Variants in MICAL2 observed in about 807,000 individuals in gnomAD.
MICAL2 encodes microtubule associated monooxygenase, calponin and LIM domain containing 2, also known as [F-actin]-monooxygenase MICAL2.
Under a neutral mutation model 127.3 loss-of-function variants are expected in MICAL2, and 77 were observed. The observed-to-expected ratio is 0.60, with a 90% CI of 0.50 to 0.73. The LOEUF is 0.73. Ranked by LOEUF, MICAL2 falls within the 30% of genes least tolerant of loss-of-function variation. MICAL2 has a pLI of 0.00. For synonymous variants in MICAL2, 570 were observed against 551.1 expected (o/e 1.03, Z -0.48); for missense variants, 1,351 against 1,434.4 (o/e 0.94, Z 0.94).
In MICAL2 at chr11:12,131,368, TC is replaced by T. The variant is rs566965293; in HGVS notation, c.-148-7019del. ...CCAAGGTAATGGCTCAGGCTGCCCA[TC>T]CCTCAGTCAGACCAGCTCCCCCTTC... On this transcript the variant is annotated intron_variant, in intron 1 of 27. Coordinates refer to ENST00000683283, the MANE Select transcript of MICAL2 (RefSeq NM_001282663.2). Among the ~76,000 whole-genome samples, 305 of 147,834 alleles carry T rather than the reference TC, an allele frequency of 2.1e-3. 3 individuals carry two copies. Among genetic ancestry groups the T allele is most frequent in the Middle Eastern group, 0.014 (4 of 284 alleles).
rs781690492 is a variant in MICAL2, at chr11:12,239,595, G to A, written c.2214+10G>A. ...CTCACTCATGAAGCAGGTGAGTCAT[G>A]TCAAATACTCACTGGACCTAACTTC... is the stretch of plus-strand genomic sequence containing the variant. On this transcript the variant is annotated intron_variant, in intron 17 of 27. Transcript: ENST00000683283. 1.4e-5 allele frequency: 22 copies of A among 1,613,032 alleles called. No individual in the cohort carries two copies. The highest frequency in any genetic ancestry group is 4.0e-5 in the African/African-American group (3 of 74,892).
chr11:12,156,313 G>A (rs1446663414), intron 2 of MICAL2, among the ~76,000 whole-genome samples: 1 of 152,202 alleles, frequency 6.6e-6, no homozygotes, highest in African/African-American at 2.4e-5. Flanking sequence ...CCTTCAGTGT[G>A]CATGGAAAGG....
chr11:12,268,961 T>C lies in MICAL2; in HGVS notation c.3335-7025T>C, dbSNP rs1356359704. ...TTGCAGTGAGCCAAGATTGTGCCAC[T>C]GCACTCCAGCCTCGGCGACGAGCGA... On this transcript the variant is annotated intron_variant, in intron 24 of 34. Coordinates refer to the MICAL2 transcript ENST00000646065. Among the ~76,000 whole-genome samples the C allele has an allele frequency of 2.0e-5, 3 of 151,886 alleles. No individual in the cohort carries two copies. The East Asian group carries it at 5.8e-4, about 29-fold the overall frequency.
intron 4 of MICAL2, 66 bp downstream of exon 4, chr11:12,204,523 C>T: frequency 6.6e-7 from 1 of 1,515,722 alleles, no homozygotes. Context: ...ACATATCTCT[C>T]CAGGTCTAGG....
At chr11:12,298,975 T>C (rs905888057) in intron 29 of MICAL2, among the ~76,000 whole-genome samples, 1 of 152,258 alleles carries the variant, frequency 6.6e-6, no homozygotes, top group African/African-American at 2.4e-5. Flanking sequence ...AGTTCATTGA[T>C]ATCACTTTTA....
intron 15 of MICAL2, 73 bp downstream of exon 15, chr11:12,227,204 A>G: frequency 9.0e-7 from 1 of 1,109,072 alleles, no homozygotes; most frequent in Non-Finnish European, 1.4e-6. Flanking sequence ...AGATTGTCAC[A>G]TTCTCAGCCT....
chr11:12,120,158 T>C (rs533117903), intron 1 of MICAL2, among the ~76,000 whole-genome samples: 1 of 152,222 alleles, frequency 6.6e-6, no homozygotes, highest in Admixed American at 6.5e-5. Context: ...CCCAGAGCCT[T>C]GGGGCTTAGA....
intron 6 of MICAL2, 117 bp downstream of exon 6, chr11:12,209,715 A>T (rs946762957): frequency 2.2e-6 from 2 of 897,624 alleles, no homozygotes; most frequent in South Asian, 1.4e-5. Flanking sequence ...GGAGGTTTTG[A>T]TAGGAGGGCA....
downstream of MICAL2, among the ~76,000 whole-genome samples, chr11:12,287,477 C>T (rs1336790971): frequency 2.0e-5 from 3 of 152,064 alleles, no homozygotes; most frequent in Admixed American, 6.5e-5. Flanking sequence ...TTTTGAAATA[C>T]AGATGAGTAA....
chr11:12,321,550 A>G (rs1053491968), intron 30 of MICAL2, among the ~76,000 whole-genome samples: 1 of 152,184 alleles, frequency 6.6e-6, no homozygotes, highest in African/African-American at 2.4e-5. Context: ...TGATTCTGCC[A>G]AGCTTCTGCA....
In MICAL2 at chr11:12,162,729, T is replaced by C. The variant is rs545201221; in HGVS notation, c.264+310T>C. 2.6e-5 allele frequency among the ~76,000 whole-genome samples: 4 copies of C among 152,350 alleles called. No individual in the cohort carries two copies. The East Asian group carries it at 7.7e-4, about 29-fold the overall frequency. The stretch of plus-strand genomic sequence containing the variant: ...CTACTACTACTTCTAGTAGCTGCTA[T>C]TTGTTGAGCAGCTTCTAGGTACAAG... On this transcript the variant is annotated intron_variant, in intron 3 of 27. Coordinates refer to ENST00000683283, the MANE Select transcript of MICAL2 (RefSeq NM_001282663.2).
intron 22 of MICAL2, chr11:12,250,109 C>T (rs1481946279): frequency 2.0e-5 from 3 of 152,130 alleles, no homozygotes; most frequent in East Asian, 1.9e-4. Flanking sequence ...GCTGCGTCGC[C>T]GTGTTTCTAT....
At chr11:12,151,353 G>T (rs1853560116) in intron 2 of MICAL2, among the ~76,000 whole-genome samples, 1 of 152,082 alleles carries the variant, frequency 6.6e-6, no homozygotes, top group South Asian at 2.1e-4. Context: ...ATTGGAAGTT[G>T]GCCTGCAACA....
chr11:12,277,861 A>G (rs561321577), intron 1 of MICAL2, among the ~76,000 whole-genome samples: 9 of 152,354 alleles, frequency 5.9e-5, no homozygotes, highest in African/African-American at 2.2e-4. Flanking sequence ...CCTGGGCTAT[A>G]TGGTGTAACC....
At chr11:12,202,255 A>G (rs1394042489) in intron 3 of MICAL2, among the ~76,000 whole-genome samples, 1 of 152,206 alleles carries the variant, frequency 6.6e-6, no homozygotes, top group Non-Finnish European at 1.5e-5. Context: ...TTGAAAGGGC[A>G]GTTACCTCTG....
chr11:12,193,507 TGTGCTCATGA>T (rs888913745), intron 3 of MICAL2, among the ~76,000 whole-genome samples: 2 of 152,216 alleles, frequency 1.3e-5, no homozygotes, highest in Non-Finnish European at 1.5e-5. Context: ...CAGCCTTGTC[TGTGCTCATGA>T]GTGGTCATGG....
chr11:12,114,086 C>T (rs1007840960), intron 1 of MICAL2, among the ~76,000 whole-genome samples: 2 of 152,210 alleles, frequency 1.3e-5, no homozygotes, highest in African/African-American at 4.8e-5. Flanking sequence ...TTTTCACATA[C>T]ACAAACTCAT....
At chr11:12,154,838 T>C (rs1040799374) in intron 2 of MICAL2, among the ~76,000 whole-genome samples, 6 of 152,210 alleles carry the variant, frequency 3.9e-5, no homozygotes, top group African/African-American at 1.4e-4. Flanking sequence ...TTAATTTACA[T>C]AGCAGCTTCA....
intron 1 of MICAL2, among the ~76,000 whole-genome samples, chr11:12,124,317 C>T (rs747372731): frequency 1.3e-5 from 2 of 152,180 alleles, no homozygotes; most frequent in Non-Finnish European, 2.9e-5. Flanking sequence ...CTTTGACCGA[C>T]TGACTTTGGG....
Sources: gnomAD v4.1 joint callset for allele counts (sites outside exome capture counted in the v4.1 genomes callset) on GRCh38, gnomAD v4.1.1 for gene constraint, MANE v1.5 for transcripts, NCBI Gene and HGNC (gene_info 2026-07-23, HGNC 2026-07-21) for gene names.